Variants in NBEA observed in about 807,000 individuals in gnomAD.
NBEA encodes neurobeachin, also known as lysosomal-trafficking regulator 2.
A neutral mutation model predicts 343.4 loss-of-function variants in NBEA; 44 were observed. The observed-to-expected ratio is 0.13, with a 90% CI of 0.10 to 0.16. NBEA has a LOEUF of 0.16. NBEA is among the 10% of genes least tolerant of loss of function. NBEA has a pLI of 1.00. For synonymous variants in NBEA, 1,175 were observed against 1,238.7 expected, an observed-to-expected ratio of 0.95 and a Z score of 1.08; for missense variants, 2,555 against 3,631.3, an observed-to-expected ratio of 0.70 and a Z score of 7.62.
intron 38 of NBEA, among the ~76,000 whole-genome samples, chr13:35,380,596 G>A (rs1159179965): frequency 6.6e-6 from 1 of 152,094 alleles, no homozygotes. Context: ...ACTTGAGACT[G>A]ATAAAGAATT....
intron 45 of NBEA, among the ~76,000 whole-genome samples, chr13:35,573,296 G>C (rs2080535734): frequency 6.6e-6 from 1 of 152,082 alleles, no homozygotes; most frequent in Non-Finnish European, 1.5e-5. Context: ...AACCTACTCT[G>C]TGCCAGACAC....
intron 1 of NBEA, among the ~76,000 whole-genome samples, chr13:34,953,769 C>T (rs1471914253): frequency 1.3e-5 from 2 of 152,154 alleles, no homozygotes; most frequent in African/African-American, 4.8e-5. Flanking sequence ...ACCAGGGGTT[C>T]CCAACCCCTG....
intron 38 of NBEA, among the ~76,000 whole-genome samples, chr13:35,364,661 T>C (rs2041002538): frequency 6.6e-6 from 1 of 151,764 alleles, no homozygotes; most frequent in Non-Finnish European, 1.5e-5. Flanking sequence ...ATCAGGAGAT[T>C]ATGAAACTAA....
chr13:35,054,347 G>GT (rs1411482758), intron 6 of NBEA, among the ~76,000 whole-genome samples: 10 of 151,876 alleles, frequency 6.6e-5, no homozygotes, highest in South Asian at 2.1e-4. Flanking sequence ...TCTTTTTACG[G>GT]TTTTTTCTTG....
At chr13:35,501,027 A>G (rs1297505283) in intron 41 of NBEA, among the ~76,000 whole-genome samples, 1 of 152,090 alleles carries the variant, frequency 6.6e-6, no homozygotes, top group Non-Finnish European at 1.5e-5. Flanking sequence ...GGATATCGCT[A>G]GAGAACTGTT....
chr13:35,582,240 C>T lies in NBEA; in HGVS notation c.7036-1658C>T, dbSNP rs529737704. ...GGCGGAGCTTGCAGCGAGCCCAGAT[C>T]GCGCCACTGCACTCCAGCCTAGGCA... On this transcript the variant is annotated intron_variant, in intron 45 of 58. Transcript: ENST00000379939. Among the ~76,000 whole-genome samples the T allele has an allele frequency of 5.3e-5, 8 of 152,086 alleles. No individual in the cohort carries two copies. In the South Asian group the frequency reaches 6.2e-4, roughly 12 times the overall value.
chr13:35,563,500 T>C (rs2079980491), intron 44 of NBEA, among the ~76,000 whole-genome samples: 1 of 151,936 alleles, frequency 6.6e-6, no homozygotes, highest in Non-Finnish European at 1.5e-5. Context: ...TTTTTTTCCA[T>C]GTAACATTAA....
chr13:35,581,425 G>A (rs1341061554), intron 45 of NBEA, among the ~76,000 whole-genome samples: 3 of 151,986 alleles, frequency 2.0e-5, no homozygotes, highest in African/African-American at 7.2e-5. Context: ...GTCTTCTTTT[G>A]AGAAGTGTCT....
At chr13:35,132,439 C>T (rs1308578255) in intron 17 of NBEA, among the ~76,000 whole-genome samples, 3 of 152,088 alleles carry the variant, frequency 2.0e-5, no homozygotes, top group Non-Finnish European at 2.9e-5. Flanking sequence ...GGATTACAGG[C>T]GTGAGCCACT....
intron 33 of NBEA, 45 bp downstream of exon 33, chr13:35,211,224 A>C: frequency 6.8e-7 from 1 of 1,471,924 alleles, no homozygotes; most frequent in Middle Eastern, 1.7e-4. Flanking sequence ...TTTTAAATGT[A>C]GTGAAACAGT....
chr13:35,404,941 G>T (rs911514186), intron 38 of NBEA, among the ~76,000 whole-genome samples: 3 of 151,984 alleles, frequency 2.0e-5, no homozygotes, highest in African/African-American at 7.2e-5. Flanking sequence ...ATAGAACTTG[G>T]AATGAACACG....
intron 39 of NBEA, among the ~76,000 whole-genome samples, chr13:35,446,781 T>A (rs2152941516): frequency 6.6e-6 from 1 of 152,184 alleles, no homozygotes; most frequent in Middle Eastern, 3.4e-3. Flanking sequence ...ATTGTTGATA[T>A]ACATTAGATA....
intron 34 of NBEA, among the ~76,000 whole-genome samples, chr13:35,245,890 T>G (rs2152782433): frequency 6.6e-6 from 1 of 152,312 alleles, no homozygotes; most frequent in Middle Eastern, 3.4e-3. Context: ...TTTCCAAACT[T>G]TTAGATTTCT....
intron 10 of NBEA, among the ~76,000 whole-genome samples, chr13:35,083,140 TA>T (rs2064517958): frequency 6.6e-6 from 1 of 152,218 alleles, no homozygotes; most frequent in Non-Finnish European, 1.5e-5. Context: ...TACATATGGC[TA>T]GCCAGTTTTC....
At chr13:35,201,963 G>A (rs2073051951) in intron 31 of NBEA, among the ~76,000 whole-genome samples, 1 of 151,968 alleles carries the variant, frequency 6.6e-6, no homozygotes, top group Non-Finnish European at 1.5e-5. Context: ...TTTCTAAAGT[G>A]TGAAGCTGAT....
rs1408679144 is a variant in NBEA, at chr13:34,958,583, T to A, written c.294+15469T>A. On this transcript the variant is annotated intron_variant, in intron 1 of 58. Transcript: ENST00000379939. ...TTCACACCATGAATAGAGTTATAGT[T>A]TAAATGCATAGGTGTAAGTTTAGGC... Among the ~76,000 whole-genome samples the A allele has an allele frequency of 1.4e-4, 21 of 151,536 alleles. 1 individual carries two copies. Among genetic ancestry groups the A allele is most frequent in the Non-Finnish European group, 3.1e-4 (21 of 67,706 alleles).
At chr13:35,111,431 T>C (rs1481328677) in intron 13 of NBEA, among the ~76,000 whole-genome samples, 1 of 151,872 alleles carries the variant, frequency 6.6e-6, no homozygotes, top group Non-Finnish European at 1.5e-5. Flanking sequence ...TTTCTAATTA[T>C]ACAAAAAATA....
intron 40 of NBEA, among the ~76,000 whole-genome samples, chr13:35,463,476 T>A (rs1293927146): frequency 6.6e-6 from 1 of 151,860 alleles, no homozygotes; most frequent in Non-Finnish European, 1.5e-5. Context: ...ATTTAAAAAA[T>A]TAGCCAGGTG....
At chr13:35,143,287 C>T (rs1390650849) in intron 18 of NBEA, among the ~76,000 whole-genome samples, 3 of 152,214 alleles carry the variant, frequency 2.0e-5, no homozygotes, top group African/African-American at 4.8e-5. Context: ...TTGTTATGCT[C>T]TCCTCACCTT....
Sources: gnomAD v4.1 joint callset for allele counts (sites outside exome capture counted in the v4.1 genomes callset) on GRCh38, gnomAD v4.1.1 for gene constraint, MANE v1.5 for transcripts, NCBI Gene and HGNC (gene_info 2026-07-23, HGNC 2026-07-21) for gene names.